ADAM18: variants seen among roughly 807,000 people sequenced by gnomAD.
The protein encoded by ADAM18 is disintegrin and metalloproteinase domain-containing protein 18.
A neutral mutation model predicts 94.4 loss-of-function variants in ADAM18; 117 were observed. That is an observed-to-expected ratio of 1.24 (90% confidence interval 1.07 to 1.45). The LOEUF (loss-of-function observed/expected upper bound fraction) is 1.45. ADAM18 is among the 40% of genes most tolerant of loss of function. The pLI, the probability that ADAM18 is intolerant of heterozygous loss-of-function variation, is 0.00. For missense variants in ADAM18, 936 were observed against 880.0 expected, an observed-to-expected ratio of 1.06 and a Z score of -0.81; for synonymous variants, 327 against 291.6, an observed-to-expected ratio of 1.12 and a Z score of -1.24.
chr8:39,619,757 G>C (rs767364100), intron 6 of ADAM18, among the ~76,000 whole-genome samples: 1 of 152,034 alleles, frequency 6.6e-6, no homozygotes, highest in Non-Finnish European at 1.5e-5. Flanking sequence ...TAAATGGAAA[G>C]ATATTTAATG....
At chr8:39,691,530 CCA>C (rs1821780443) in intron 16 of ADAM18, among the ~76,000 whole-genome samples, 2 of 151,820 alleles carry the variant, frequency 1.3e-5, no homozygotes, top group South Asian at 4.2e-4. Context: ...CAATAAACTC[CCA>C]TGTTTATTGC....
At chr8:39,668,280 T>C (rs763654950) in intron 14 of ADAM18, 84 bp downstream of exon 14, 60 of 1,266,478 alleles carry the variant, frequency 4.7e-5, no homozygotes, top group Non-Finnish European at 6.0e-5. Flanking sequence ...ACTCTAGAAG[T>C]GGAAGAAACT....
chr8:39,709,058 A>T (rs900364878), intron 18 of ADAM18, among the ~76,000 whole-genome samples: 11 of 152,254 alleles, frequency 7.2e-5, no homozygotes, highest in African/African-American at 2.4e-4. Context: ...GCAAAGAGCC[A>T]GTGTGACAGT....
At chr8:39,653,302 A>G (rs1255478360) in intron 12 of ADAM18, among the ~76,000 whole-genome samples, 1 of 152,194 alleles carries the variant, frequency 6.6e-6, no homozygotes, top group Non-Finnish European at 1.5e-5. Context: ...TTTTTAAAAA[A>G]TGTATTTTTA....
chr8:39,637,746 A>G, intron 9 of ADAM18, 43 bp downstream of exon 9: 2 of 1,435,058 alleles, frequency 1.4e-6, no homozygotes, highest in Non-Finnish European at 1.8e-6. Flanking sequence ...CTGCATAATT[A>G]TTTTAAATTG....
At chr8:39,662,959 T>G (rs940535831) in intron 12 of ADAM18, among the ~76,000 whole-genome samples, 12 of 152,210 alleles carry the variant, frequency 7.9e-5, no homozygotes, top group African/African-American at 2.9e-4. Context: ...CATTTACTTT[T>G]TAAAAATAAT....
chr8:39,620,433 C>A (rs1819582018), intron 6 of ADAM18, among the ~76,000 whole-genome samples: 1 of 147,066 alleles, frequency 6.8e-6, no homozygotes, highest in Admixed American at 6.8e-5. Flanking sequence ...AACAACCAAC[C>A]AACCAAACAA....
In ADAM18 at chr8:39,727,533, G is replaced by A. The variant is rs371904445; in HGVS notation, c.2178-2365G>A. Among the ~76,000 whole-genome samples, 6 of 152,274 alleles carry A rather than the reference G, an allele frequency of 3.9e-5. No individual in the cohort carries two copies. In the East Asian group the frequency reaches 7.7e-4, roughly 20 times the overall value. On this transcript the variant is annotated intron_variant, in intron 19 of 19. Coordinates refer to ENST00000265707, the MANE Select transcript of ADAM18 (RefSeq NM_014237.3). The stretch of plus-strand genomic sequence containing the variant: ...TCCTATATGGTCATCTTTAGTTCAA[G>A]CTTCCACAGATCCCTAGGGAATGAA...
intron 18 of ADAM18, among the ~76,000 whole-genome samples, chr8:39,712,018 T>A: frequency 7.2e-6 from 1 of 139,518 alleles, no homozygotes; most frequent in Non-Finnish European, 1.5e-5. Context: ...AATGGTCAAC[T>A]AAAATCAGAG....
In ADAM18 at chr8:39,668,011, G is replaced by A. The variant is rs1301552790; in HGVS notation, c.1340G>A (p.Gly447Asp). 1.2e-6 allele frequency: 2 copies of A among 1,613,752 alleles called. No homozygotes were observed. Among genetic ancestry groups the A allele is most frequent in the Non-Finnish European group, 1.7e-6 (2 of 1,179,814 alleles). Residue 447 changes from glycine (G) to aspartate (D), a missense_variant, in exon 14 of 20, where the codon GGC (glycine) becomes GAC (aspartate). Transcript: ENST00000265707. ...CTSKCELSIAGTPCRKSIDPE... is the reference protein window; with the variant it reads ...CTSKCELSIADTPCRKSIDPE... ...TTTTCCTCCCAGTTGTCAATAGCAG[G>A]CACTCCATGTAGAAAGAGTATTGAT...
intron 10 of ADAM18, among the ~76,000 whole-genome samples, chr8:39,641,716 C>G (rs1820242376): frequency 6.6e-6 from 1 of 152,010 alleles, no homozygotes; most frequent in South Asian, 2.1e-4. Flanking sequence ...GACATAATCT[C>G]ATTCTTTTTT....
At chr8:39,713,991 A>G (rs1483259414) in intron 18 of ADAM18, among the ~76,000 whole-genome samples, 1 of 152,154 alleles carries the variant, frequency 6.6e-6, no homozygotes, top group African/African-American at 2.4e-5. Context: ...ACATGCACAC[A>G]TATGTTTATT....
At chr8:39,621,232 ACAT>A (rs1819604313) in intron 6 of ADAM18, among the ~76,000 whole-genome samples, 1 of 152,056 alleles carries the variant, frequency 6.6e-6, no homozygotes, top group African/African-American at 2.4e-5. Context: ...CAAATTAAGA[ACAT>A]CATCAGATAC....
chr8:39,625,861 C>T (rs1819753883), intron 6 of ADAM18, among the ~76,000 whole-genome samples: 1 of 152,120 alleles, frequency 6.6e-6, no homozygotes, highest in Non-Finnish European at 1.5e-5. Context: ...TCCTGCATCC[C>T]TGAGGTGAAA....
chr8:39,634,452 A>C (rs1299444005), intron 7 of ADAM18, among the ~76,000 whole-genome samples: 5 of 152,158 alleles, frequency 3.3e-5, no homozygotes, highest in African/African-American at 1.2e-4. Flanking sequence ...GTGAGAGCTG[A>C]AACATGGGCT....
intron 3 of ADAM18, among the ~76,000 whole-genome samples, chr8:39,608,400 C>G (rs547634113): frequency 3.9e-5 from 6 of 152,004 alleles, no homozygotes; most frequent in Middle Eastern, 3.4e-3. Context: ...CGTCTCATCT[C>G]TGTGACACTG....
rs1341351364 is a variant in ADAM18 at position 39,610,667 on chromosome 8, G to A, written c.483G>A (p.Trp161Ter). 7 of 1,613,092 alleles carry A rather than the reference G, an allele frequency of 4.3e-6. No individual in the cohort carries two copies. The highest frequency in any genetic ancestry group is 5.9e-6 in the Non-Finnish European group (7 of 1,179,532). The part of the protein sequence containing the change: ...SILAVNYSHI[W>*]QKDQPYKVPL... ...TAGCAGTAAATTACAGTCATATTTG[G>A]CAGAAAGACCAGCCCTACAAAGTTC... is the stretch of plus-strand genomic sequence containing the variant. Residue 161 changes from tryptophan to a stop codon, truncating the protein, a stop_gained, in exon 6 of 20, where the codon TGG becomes TGA. Coordinates refer to ENST00000265707, the MANE Select transcript of ADAM18 (RefSeq NM_014237.3). LOFTEE classifies it high-confidence loss of function.
intron 6 of ADAM18, among the ~76,000 whole-genome samples, chr8:39,628,515 C>A (rs1371740813): frequency 6.6e-6 from 1 of 151,874 alleles, no homozygotes; most frequent in African/African-American, 2.4e-5. Context: ...GAAATATAAA[C>A]CAACCTATTT....
chr8:39,721,726 G>A (rs1018659937), intron 18 of ADAM18, among the ~76,000 whole-genome samples: 28 of 151,022 alleles, frequency 1.9e-4, no homozygotes, highest in Non-Finnish European at 3.6e-4. Context: ...TTATCAGGAT[G>A]GTTAGTATTC....
Sources: gnomAD v4.1 joint callset for allele counts (sites outside exome capture counted in the v4.1 genomes callset) on GRCh38, gnomAD v4.1.1 for gene constraint, MANE v1.5 for transcripts, NCBI Gene and HGNC (gene_info 2026-07-23, HGNC 2026-07-21) for gene names.